Variants in COP1 observed in about 807,000 individuals in gnomAD.
The protein encoded by COP1 is COP1 E3 ubiquitin ligase.
COP1 carries 24 observed loss-of-function variants against 101.3 expected under a neutral mutation model. The ratio of observed to expected loss-of-function variants is 0.24; its 90% CI spans 0.17 to 0.33. The LOEUF is 0.33. COP1 is among the 10% of genes least tolerant of loss of function. The probability of loss-of-function intolerance (pLI) is 1.00; values close to 1 mark genes in which losing one functional copy is unlikely to be tolerated. For missense variants in COP1, 663 were observed against 906.2 expected (o/e 0.73, Z 3.45); for synonymous variants, 347 against 341.9 (o/e 1.01, Z -0.17).
rs797010192 is a variant in COP1, at chr1:176,048,999, C to T, written c.1278-2675G>A. ...CATCCTGGCTAACAAGGTGAAACCC[C>T]GTCTCTACTGAAAATACAAAAAATT... is the stretch of plus-strand genomic sequence containing the variant. On this transcript the variant is annotated intron_variant, in intron 11 of 19. Coordinates refer to ENST00000367669, the MANE Select transcript of COP1 (RefSeq NM_022457.7). 4.0e-5 allele frequency among the ~76,000 whole-genome samples: 6 copies of T among 150,620 alleles called. 1 individual carries two copies. Among genetic ancestry groups the T allele is most frequent in the East Asian group, 1.9e-4 (1 of 5,144 alleles).
chr1:176,150,349 T>G (rs551696147), intron 5 of COP1, among the ~76,000 whole-genome samples: 1 of 152,252 alleles, frequency 6.6e-6, no homozygotes, highest in African/African-American at 2.4e-5. Context: ...TGAATTAATA[T>G]GTTTTACAAC....
intron 2 of COP1, among the ~76,000 whole-genome samples, chr1:176,178,374 T>A (rs1360854772): frequency 6.6e-6 from 1 of 150,862 alleles, no homozygotes; most frequent in East Asian, 2.0e-4. Flanking sequence ...ATGCAAAAAT[T>A]AGCTGGGCCT....
At chr1:176,205,539 C>T (rs997974431) in intron 1 of COP1, among the ~76,000 whole-genome samples, 1 of 152,290 alleles carries the variant, frequency 6.6e-6, no homozygotes, top group Admixed American at 6.5e-5. Context: ...AGCCAACTTC[C>T]TACATGCCTA....
At chr1:176,124,413 C>G (rs912953732) in intron 8 of COP1, among the ~76,000 whole-genome samples, 1 of 151,190 alleles carries the variant, frequency 6.6e-6, no homozygotes, top group Non-Finnish European at 1.5e-5. Context: ...TCCCCTGCCC[C>G]CCAGCCCCGT....
intron 16 of COP1, 74 bp from the exon 17 acceptor site, chr1:175,988,486 C>A: frequency 1.5e-6 from 2 of 1,375,592 alleles, no homozygotes; most frequent in South Asian, 1.6e-5. Flanking sequence ...TAATTAGAGG[C>A]AATGCAGTTT....
At chr1:176,057,415 G>C (rs1039081028) in intron 11 of COP1, among the ~76,000 whole-genome samples, 2 of 152,096 alleles carry the variant, frequency 1.3e-5, no homozygotes, top group African/African-American at 4.8e-5. Flanking sequence ...CTGCCATCTC[G>C]GCTCACTGCA....
At chr1:176,103,530 T>C (rs1285022671) in intron 9 of COP1, among the ~76,000 whole-genome samples, 3 of 152,182 alleles carry the variant, frequency 2.0e-5, no homozygotes, top group African/African-American at 7.2e-5. Context: ...ATTTGCATTG[T>C]ACTTACCAAC....
intron 15 of COP1, among the ~76,000 whole-genome samples, chr1:175,997,269 A>C (rs566680190): frequency 4.2e-4 from 64 of 152,132 alleles, no homozygotes; most frequent in Middle Eastern, 3.4e-3. Context: ...TAAAGACTTA[A>C]ATGTTAGACC....
chr1:176,136,836 TA>T (rs972263751), intron 6 of COP1, among the ~76,000 whole-genome samples: 5 of 152,058 alleles, frequency 3.3e-5, no homozygotes, highest in African/African-American at 1.2e-4. Context: ...CTTAAAAAAA[TA>T]CAAGATAGCC....
rs56720201 is a variant in COP1 at position 176,081,294 on chromosome 1, G to GAAAAAAAAAAAAAAAAAAAAAA, written c.1142-8_1142-7insTTTTTTTTTTTTTTTTTTTTTT. ...CTTGCAGTTCGACTGTCATCTATATGAAAAAAAAAAAAAAAAGACAAAACA... is the reference window on the plus strand; with the variant it reads ...CTTGCAGTTCGACTGTCATCTATATGAAAAAAAAAAAAAAAAAAAAAAAAAAAAAAAAAAAAAAGACAAAACA... On this transcript the variant is annotated splice_region_variant and splice_polypyrimidine_tract_variant and intron_variant, in intron 10 of 19. Transcript: ENST00000367669. 2.0e-6 allele frequency: 2 copies of GAAAAAAAAAAAAAAAAAAAAAA among 1,008,788 alleles called. No individual in the cohort carries two copies. The highest frequency in any genetic ancestry group is 1.3e-6 in the Non-Finnish European group (1 of 760,356). 62.5% of individuals were successfully genotyped at this position (1,008,788 alleles called of 1,614,324 possible).
chr1:176,089,083 A>ACGAGATCAGAAGTT (rs1680784142), intron 9 of COP1, among the ~76,000 whole-genome samples: 1 of 150,654 alleles, frequency 6.6e-6, no homozygotes, highest in Admixed American at 6.6e-5. Context: ...TGTGTGGATC[A>ACGAGATCAGAAGTT]CGAGATCAGA....
At chr1:176,142,119 G>C (rs985162053) in intron 6 of COP1, among the ~76,000 whole-genome samples, 1 of 152,104 alleles carries the variant, frequency 6.6e-6, no homozygotes, top group South Asian at 2.1e-4. Context: ...GACAAAATAA[G>C]ATGGCTTATT....
chr1:176,050,133 G>A (rs777810283), intron 11 of COP1, among the ~76,000 whole-genome samples: 2 of 152,162 alleles, frequency 1.3e-5, no homozygotes, highest in Non-Finnish European at 2.9e-5. Flanking sequence ...TCGTGTTTCT[G>A]GGGACATAAA....
rs141696579 is a variant in COP1, at chr1:175,947,649, C to T, written c.2134-410G>A. Among the ~76,000 whole-genome samples the T allele has an allele frequency of 4.5e-3, 685 of 152,186 alleles. 6 individuals are homozygous for T. The highest frequency in any genetic ancestry group is 0.014 in the Middle Eastern group (4 of 294). The stretch of plus-strand genomic sequence containing the variant: ...CCTCCCAAAGTGCTGGGATTACAGG[C>T]GTGAGCCACTGTGCCCAGTCGAAGA... On this transcript the variant is annotated intron_variant, in intron 18 of 19. Coordinates refer to ENST00000367669, the MANE Select transcript of COP1 (RefSeq NM_022457.7).
At chr1:175,969,355 T>C (rs1367165273) in intron 18 of COP1, among the ~76,000 whole-genome samples, 1 of 152,022 alleles carries the variant, frequency 6.6e-6, no homozygotes. Flanking sequence ...CTCCCACACT[T>C]CTCCTCTGAA....
At chr1:176,146,948 T>C (rs1277720893) in intron 6 of COP1, among the ~76,000 whole-genome samples, 1 of 152,338 alleles carries the variant, frequency 6.6e-6, no homozygotes, top group African/African-American at 2.4e-5. Context: ...ATTATCCAAA[T>C]GAGTTAAATG....
chr1:176,140,021 T>C (rs533642431), intron 6 of COP1, among the ~76,000 whole-genome samples: 28 of 152,354 alleles, frequency 1.8e-4, no homozygotes, highest in Middle Eastern at 3.4e-3. Context: ...ATATTACTTG[T>C]ATGATACATA....
At chr1:176,117,676 C>A (rs1173096690) in intron 8 of COP1, among the ~76,000 whole-genome samples, 1 of 152,192 alleles carries the variant, frequency 6.6e-6, no homozygotes, top group Non-Finnish European at 1.5e-5. Context: ...GGGCGGATCA[C>A]CTGAGGTCAG....
At chr1:175,957,787 T>A (rs1453757439) in intron 18 of COP1, among the ~76,000 whole-genome samples, 1 of 152,122 alleles carries the variant, frequency 6.6e-6, no homozygotes, top group Admixed American at 6.5e-5. Flanking sequence ...AAGGGCAATA[T>A]TAAAGATTGG....
Sources: gnomAD v4.1 joint callset for allele counts (sites outside exome capture counted in the v4.1 genomes callset) on GRCh38, gnomAD v4.1.1 for gene constraint, MANE v1.5 for transcripts, NCBI Gene and HGNC (gene_info 2026-07-23, HGNC 2026-07-21) for gene names.